The following NCKAP5 variants were observed in gnomAD, a reference collection of about 807,000 sequenced individuals.
The protein encoded by NCKAP5 is nck-associated protein 5.
Under a neutral mutation model 167.0 loss-of-function variants are expected in NCKAP5, and 92 were observed. The observed-to-expected ratio is 0.55, with a 90% CI of 0.47 to 0.66. The LOEUF (loss-of-function observed/expected upper bound fraction) is 0.66. NCKAP5 is among the 30% of genes least tolerant of loss of function. The pLI, the probability that NCKAP5 is intolerant of heterozygous loss-of-function variation, is 0.00. For synonymous variants in NCKAP5, 891 were observed against 877.4 expected, an observed-to-expected ratio of 1.02 and a Z score of -0.27; for missense variants, 2,378 against 2,315.0, an observed-to-expected ratio of 1.03 and a Z score of -0.56.
the NCKAP5 span, among the ~76,000 whole-genome samples, chr2:133,670,548 G>A: frequency 6.6e-6 from 1 of 152,170 alleles, no homozygotes. Flanking sequence ...CATAAATATA[G>A]CATCAACATT....
chr2:132,829,131 T>A (rs1457027081), intron 11 of NCKAP5, among the ~76,000 whole-genome samples: 1 of 152,230 alleles, frequency 6.6e-6, no homozygotes, highest in Admixed American at 6.5e-5. Flanking sequence ...TCAGTCGTGT[T>A]GTATTTATTG....
rs1281067717 is a variant in NCKAP5, at chr2:133,116,475, G to A, written c.341+13503C>T. On this transcript the variant is annotated intron_variant, in intron 6 of 19. Transcript: ENST00000409261. ...TGCACTCCAGCCTGGGCGACAGAGC[G>A]AGACTCCGTCTCAAAAAAAAAAAAA... Among the ~76,000 whole-genome samples the A allele has an allele frequency of 4.8e-5, 3 of 62,122 alleles. 1 individual carries two copies. Among genetic ancestry groups the A allele is most frequent in the Admixed American group, 2.7e-4 (1 of 3,672 alleles). 40.8% of individuals were successfully genotyped at this position (62,122 alleles called of 152,430 possible).
At chr2:132,947,976 T>C (rs1697887529) in intron 8 of NCKAP5, among the ~76,000 whole-genome samples, 1 of 152,130 alleles carries the variant, frequency 6.6e-6, no homozygotes, top group Non-Finnish European at 1.5e-5. Flanking sequence ...CACCCTGACC[T>C]GAGATGAATG....
At chr2:133,054,030 A>G (rs1018868593) in intron 6 of NCKAP5, among the ~76,000 whole-genome samples, 1 of 152,222 alleles carries the variant, frequency 6.6e-6, no homozygotes, top group Admixed American at 6.5e-5. Context: ...AAGCCAGCCC[A>G]TGTTCCATAA....
chr2:133,316,444 T>C (rs1429008069), intron 3 of NCKAP5, among the ~76,000 whole-genome samples: 3 of 152,212 alleles, frequency 2.0e-5, no homozygotes, highest in African/African-American at 7.2e-5. Flanking sequence ...GTCAAACTAT[T>C]TAAAAATTTT....
chr2:133,158,913 G>C (rs1430685835), intron 5 of NCKAP5, among the ~76,000 whole-genome samples: 1 of 127,464 alleles, frequency 7.8e-6, no homozygotes, highest in Non-Finnish European at 1.7e-5. Context: ...TGCATGGCTT[G>C]TGCTCTTAAG....
the NCKAP5 span, among the ~76,000 whole-genome samples, chr2:133,586,599 C>G: frequency 6.6e-6 from 1 of 152,290 alleles, no homozygotes; most frequent in Admixed American, 6.5e-5. Context: ...AGATGTGAAG[C>G]ACTGTGTGGA....
intron 16 of NCKAP5, among the ~76,000 whole-genome samples, chr2:132,768,374 G>C (rs1681703736): frequency 6.6e-6 from 1 of 152,112 alleles, no homozygotes; most frequent in Admixed American, 6.5e-5. Flanking sequence ...AATGGTATTT[G>C]AATTCCTACT....
intron 3 of NCKAP5, among the ~76,000 whole-genome samples, chr2:133,350,165 A>G (rs1261664309): frequency 2.0e-5 from 3 of 152,214 alleles, no homozygotes; most frequent in Non-Finnish European, 4.4e-5. Flanking sequence ...TGGTTCCAGA[A>G]CTTTGGGAGC....
intron 6 of NCKAP5, among the ~76,000 whole-genome samples, chr2:132,997,780 G>C (rs2077648740): frequency 6.7e-6 from 1 of 150,050 alleles, no homozygotes; most frequent in Admixed American, 6.7e-5. Context: ...CCTGGGGAGA[G>C]CATGAGAAAA....
At chr2:133,342,961 G>T (rs971171003) in intron 3 of NCKAP5, among the ~76,000 whole-genome samples, 10 of 152,212 alleles carry the variant, frequency 6.6e-5, no homozygotes, top group Non-Finnish European at 2.9e-5. Context: ...AACTAGATGG[G>T]AGGTAGTGTA....
the NCKAP5 span, among the ~76,000 whole-genome samples, chr2:133,636,940 C>T: frequency 6.6e-6 from 1 of 152,264 alleles, no homozygotes; most frequent in South Asian, 2.1e-4. Flanking sequence ...GTATCAGCTT[C>T]ACCTCTGGTT....
intron 8 of NCKAP5, among the ~76,000 whole-genome samples, chr2:132,897,902 T>G (rs1031228867): frequency 1.3e-5 from 2 of 152,238 alleles, no homozygotes; most frequent in Admixed American, 6.5e-5. Context: ...GTCTCCATGT[T>G]GATGGCTGCT....
intron 5 of NCKAP5, among the ~76,000 whole-genome samples, chr2:133,187,343 T>A (rs1043181266): frequency 2.6e-5 from 4 of 152,014 alleles, no homozygotes; most frequent in African/African-American, 9.7e-5. Flanking sequence ...TTTTTAAAAA[T>A]TTATTGATAC....
chr2:133,129,187 T>C (rs1422379748), intron 6 of NCKAP5, among the ~76,000 whole-genome samples: 1 of 151,954 alleles, frequency 6.6e-6, no homozygotes, highest in Non-Finnish European at 1.5e-5. Flanking sequence ...GCTGGTGTGC[T>C]GCACCCATTA....
At chr2:132,901,170 G>A (rs945125648) in intron 8 of NCKAP5, among the ~76,000 whole-genome samples, 3 of 152,082 alleles carry the variant, frequency 2.0e-5, no homozygotes, top group Non-Finnish European at 2.9e-5. Context: ...TCCTCAAAGT[G>A]GTAGAATCTG....
At chr2:132,948,927 G>T (rs1457834404) in intron 8 of NCKAP5, among the ~76,000 whole-genome samples, 1 of 151,606 alleles carries the variant, frequency 6.6e-6, no homozygotes, top group Non-Finnish European at 1.5e-5. Flanking sequence ...TGGAAGGAAA[G>T]AAAAATTCAA....
intron 5 of NCKAP5, among the ~76,000 whole-genome samples, chr2:133,155,502 G>A (rs1163118699): frequency 2.0e-5 from 3 of 152,180 alleles, no homozygotes; most frequent in Non-Finnish European, 2.9e-5. Flanking sequence ...TCTACCAAAA[G>A]TCTGTGCTCT....
rs139430273 is a variant in NCKAP5, at chr2:133,522,271, G to A, written c.-61-4684C>T. On this transcript the variant is annotated intron_variant, in intron 2 of 19. Transcript: ENST00000409261. ...AGCAATGCCCCAGTCTGTGGGTACC[G>A]CCACCTTATCCCTCTGGCTCCTCCA... 5.1e-3 allele frequency among the ~76,000 whole-genome samples: 772 copies of A among 152,206 alleles called. 3 individuals are homozygous for A. The highest frequency in any genetic ancestry group is 8.1e-3 in the Non-Finnish European group (553 of 68,012).
Sources: gnomAD v4.1 joint callset for allele counts (sites outside exome capture counted in the v4.1 genomes callset) on GRCh38, gnomAD v4.1.1 for gene constraint, MANE v1.5 for transcripts, NCBI Gene and HGNC (gene_info 2026-07-23, HGNC 2026-07-21) for gene names.